DACH2: variants seen among roughly 807,000 people sequenced by gnomAD.
DACH2 encodes the protein dachshund homolog 2.
DACH2 carries 17 observed loss-of-function variants against 35.8 expected under a neutral mutation model. The ratio of observed to expected loss-of-function variants is 0.48; its 90% CI spans 0.33 to 0.71. The LOEUF (loss-of-function observed/expected upper bound fraction) is 0.71, where lower values mean the gene tolerates loss of function less well. DACH2 is among the 30% of genes least tolerant of loss of function. The pLI, the probability that DACH2 is intolerant of heterozygous loss-of-function variation, is 0.02. For missense variants in DACH2, 469 were observed against 472.7 expected (o/e 0.99, Z 0.07); for synonymous variants, 195 against 177.3 (o/e 1.10, Z -0.79).
intron 1 of DACH2, among the ~76,000 whole-genome samples, chrX:86,283,464 A>G (rs1043469121): frequency 9.0e-6 from 1 of 111,390 alleles, no homozygotes; most frequent in Admixed American, 9.6e-5. Context: ...AATAGCAAAG[A>G]CTCAGAACCA....
At chrX:86,399,960 A>G (rs984450320) in intron 2 of DACH2, among the ~76,000 whole-genome samples, 2 of 111,719 alleles carry the variant, frequency 1.8e-5, no homozygotes, top group Non-Finnish European at 3.8e-5. Flanking sequence ...CTCCTGGATA[A>G]TATCCTGCAG....
chrX:86,227,524 C>G (rs2032851449), intron 1 of DACH2, among the ~76,000 whole-genome samples: 1 of 111,366 alleles, frequency 9.0e-6, no homozygotes, highest in Admixed American at 9.6e-5. Flanking sequence ...AAATATTTGT[C>G]CCTTCCCATG....
chrX:86,506,206 A>C (rs764545785), intron 2 of DACH2, among the ~76,000 whole-genome samples: 19 of 111,194 alleles, frequency 1.7e-4, no homozygotes, highest in African/African-American at 6.2e-4. Context: ...TAACTGTCTC[A>C]AAAGCTCATT....
intron 1 of DACH2, among the ~76,000 whole-genome samples, chrX:86,338,936 A>C (rs2148058286): frequency 8.9e-6 from 1 of 112,256 alleles, no homozygotes; most frequent in East Asian, 2.8e-4. Context: ...TACTGTAAAC[A>C]TCTCTATGCA....
At chrX:86,273,725 C>G (rs758348023) in intron 1 of DACH2, among the ~76,000 whole-genome samples, 113 of 111,930 alleles carry the variant, frequency 1.0e-3, no homozygotes, top group African/African-American at 3.0e-3. Flanking sequence ...GAATAAAAAT[C>G]ATTCACCTGA....
intron 1 of DACH2, among the ~76,000 whole-genome samples, chrX:86,264,525 G>A (rs763574255): frequency 9.0e-6 from 1 of 111,498 alleles, no homozygotes; most frequent in Admixed American, 9.6e-5. Context: ...TTGTATCTGT[G>A]AAACTGTAGG....
intron 3 of DACH2, among the ~76,000 whole-genome samples, chrX:86,564,101 T>C (rs5923564): frequency 0.16 from 17,603 of 110,049 alleles, 1,432 homozygotes; most frequent in Middle Eastern, 0.33. Flanking sequence ...TGATGTTTCC[T>C]ATTTTTCTTC....
chrX:86,555,000 A>G (rs1425905532), intron 3 of DACH2, among the ~76,000 whole-genome samples: 1 of 111,108 alleles, frequency 9.0e-6, no homozygotes, highest in Non-Finnish European at 1.9e-5. Flanking sequence ...TATGGATATT[A>G]TAGTCTAGCT....
chrX:86,419,098 C>A (rs1170280966), intron 2 of DACH2, among the ~76,000 whole-genome samples: 2 of 111,704 alleles, frequency 1.8e-5, no homozygotes, highest in Non-Finnish European at 3.8e-5. Context: ...TCATTATCAG[C>A]ATTTTGGTCA....
chrX:86,472,601 C>G (rs2037777413), intron 2 of DACH2, among the ~76,000 whole-genome samples: 1 of 112,038 alleles, frequency 8.9e-6, no homozygotes, highest in Admixed American at 9.5e-5. Context: ...CATATCCCCA[C>G]TACACTGCAT....
intron 2 of DACH2, among the ~76,000 whole-genome samples, chrX:86,395,564 T>C (rs995198967): frequency 6.4e-5 from 7 of 109,699 alleles, no homozygotes; most frequent in Admixed American, 3.9e-4. Flanking sequence ...CAGTCCCCAG[T>C]GTGTGATGTT....
chrX:86,716,513 T>C (rs1217222845), intron 6 of DACH2, among the ~76,000 whole-genome samples: 1 of 111,307 alleles, frequency 9.0e-6, no homozygotes, highest in African/African-American at 3.3e-5. Flanking sequence ...CTGAGCAACA[T>C]TGTGAGACTC....
intron 2 of DACH2, among the ~76,000 whole-genome samples, chrX:86,440,750 G>A (rs1051770700): frequency 2.7e-5 from 3 of 111,340 alleles, no homozygotes; most frequent in South Asian, 3.7e-4. Flanking sequence ...CTTTTTTAAA[G>A]TTTTGTGTAA....
At chrX:86,214,119 A>G (rs7053462) in intron 1 of DACH2, among the ~76,000 whole-genome samples, 3,747 of 110,774 alleles carry the variant, frequency 0.034, 155 homozygotes, top group African/African-American at 0.12. Flanking sequence ...CAAATGTACC[A>G]CAACTATAAT....
chrX:86,762,163 T>TA (rs988084773), intron 7 of DACH2, among the ~76,000 whole-genome samples: 2 of 110,846 alleles, frequency 1.8e-5, no homozygotes, highest in African/African-American at 3.3e-5. Context: ...AACAAACAAA[T>TA]AAAAAAAGAT....
At chrX:86,336,798 T>C (rs2035319707) in intron 1 of DACH2, among the ~76,000 whole-genome samples, 1 of 110,009 alleles carries the variant, frequency 9.1e-6, no homozygotes, top group South Asian at 3.9e-4. Context: ...GAGCATGTTC[T>C]AACCCAATGC....
At chrX:86,829,637 T>G (rs912853717) in intron 11 of DACH2, 1 of 112,392 alleles carries the variant, frequency 8.9e-6, no homozygotes, top group East Asian at 2.8e-4. Context: ...ATAACTCAAC[T>G]GATTAGGAGA....
intron 1 of DACH2, among the ~76,000 whole-genome samples, chrX:86,187,933 C>T (rs747962312): frequency 8.9e-6 from 1 of 111,749 alleles, no homozygotes; most frequent in East Asian, 2.8e-4. Context: ...AAATCTTAGA[C>T]TTGATTTATT....
intron 1 of DACH2, among the ~76,000 whole-genome samples, chrX:86,232,676 T>TAAAC (rs759770738): frequency 2.7e-5 from 3 of 111,364 alleles, no homozygotes; most frequent in African/African-American, 3.3e-5. Context: ...ACTTAAAAAG[T>TAAAC]AAACAAACAA....
Sources: allele counts gnomAD v4.1 joint callset (sites outside exome capture counted in the v4.1 genomes callset), GRCh38; gene constraint gnomAD v4.1.1; transcripts MANE v1.5; gene names NCBI Gene and HGNC (gene_info 2026-07-23, HGNC 2026-07-21).